Variants in SAMD4A observed in about 807,000 individuals in gnomAD.
The protein encoded by SAMD4A is protein Smaug homolog 1.
A neutral mutation model predicts 81.3 loss-of-function variants in SAMD4A; 33 were observed. The ratio of observed to expected loss-of-function variants is 0.41; its 90% CI spans 0.31 to 0.54. The LOEUF (loss-of-function observed/expected upper bound fraction) is 0.54. SAMD4A is among the 20% of genes least tolerant of loss of function. SAMD4A has a pLI of 0.37. For synonymous variants in SAMD4A, 389 were observed against 382.1 expected, an observed-to-expected ratio of 1.02 and a Z score of -0.21; for missense variants, 854 against 951.1, an observed-to-expected ratio of 0.90 and a Z score of 1.34.
At chr14:54,756,906 T>A (rs1223040249) in intron 6 of SAMD4A, among the ~76,000 whole-genome samples, 1 of 152,210 alleles carries the variant, frequency 6.6e-6, no homozygotes, top group Non-Finnish European at 1.5e-5. Flanking sequence ...GGACCAGACT[T>A]CCCACTGTCT....
intron 2 of SAMD4A, among the ~76,000 whole-genome samples, chr14:54,648,412 G>GA (rs1480760272): frequency 6.6e-6 from 1 of 152,228 alleles, no homozygotes; most frequent in African/African-American, 2.4e-5. Flanking sequence ...CCAGCCTAGT[G>GA]ATGGGGGAAC....
chr14:54,716,272 A>G (rs1177236307), intron 3 of SAMD4A, among the ~76,000 whole-genome samples: 1 of 152,206 alleles, frequency 6.6e-6, no homozygotes, highest in African/African-American at 2.4e-5. Context: ...AAAGTCAGAC[A>G]TGTATTCCTC....
At chr14:54,669,467 T>TA (rs1555341433) in intron 2 of SAMD4A, among the ~76,000 whole-genome samples, 1 of 149,112 alleles carries the variant, frequency 6.7e-6, no homozygotes, top group East Asian at 2.0e-4. Flanking sequence ...TTTTTTTTTT[T>TA]AGAGAGAGAC....
intron 2 of SAMD4A, among the ~76,000 whole-genome samples, chr14:54,598,175 T>G (rs1166434509): frequency 6.6e-6 from 1 of 152,180 alleles, no homozygotes; most frequent in East Asian, 1.9e-4. Context: ...GTTAACATGG[T>G]TCTGATTAAA....
At chr14:54,663,266 C>T (rs1269907597) in intron 2 of SAMD4A, among the ~76,000 whole-genome samples, 14 of 152,190 alleles carry the variant, frequency 9.2e-5, no homozygotes, top group Admixed American at 9.2e-4. Flanking sequence ...TTGTGCTTGA[C>T]ATTGAGAGCG....
At chr14:54,585,215 A>G (rs191287240) in intron 2 of SAMD4A, among the ~76,000 whole-genome samples, 1 of 152,332 alleles carries the variant, frequency 6.6e-6, no homozygotes, top group African/African-American at 2.4e-5. Flanking sequence ...ATTTTAAATG[A>G]CCGTGTAGCA....
At chr14:54,565,835 C>G (rs2032912002), upstream of SAMD4A, among the ~76,000 whole-genome samples, 1 of 151,970 alleles carries the variant, frequency 6.6e-6, no homozygotes. This position sits in a 1 kb window ranked among gnomAD's most constrained non-coding sequence, Gnocchi z 5.4. Context: ...TCCTCTTCCC[C>G]GAACTTCTTC....
At chr14:54,616,769 A>T (rs1429972731) in intron 2 of SAMD4A, among the ~76,000 whole-genome samples, 1 of 152,224 alleles carries the variant, frequency 6.6e-6, no homozygotes, top group Non-Finnish European at 1.5e-5. Context: ...TTTAATGCCT[A>T]TCTGGTCACC....
At chr14:54,634,251 A>G (rs1212855248) in intron 2 of SAMD4A, among the ~76,000 whole-genome samples, 2 of 117,324 alleles carry the variant, frequency 1.7e-5, no homozygotes, top group African/African-American at 3.3e-5. Context: ...ATGCCGCTGC[A>G]CTCCAGCCCG....
At chr14:54,685,273 T>TCCC in intron 2 of SAMD4A, among the ~76,000 whole-genome samples, 1 of 25,158 alleles carries the variant, frequency 4.0e-5, no homozygotes, top group Non-Finnish European at 3.7e-4. Flanking sequence ...CCATTCTTCC[T>TCCC]GCCCCCCCCC....
intron 10 of SAMD4A, among the ~76,000 whole-genome samples, chr14:54,775,450 C>G (rs970068650): frequency 3.8e-4 from 58 of 152,192 alleles, no homozygotes; most frequent in African/African-American, 1.4e-3. Flanking sequence ...AATCTGGGTT[C>G]CAGGAGAGCC....
At chr14:54,701,697 T>G (rs1011528855) in intron 2 of SAMD4A, among the ~76,000 whole-genome samples, 2 of 152,382 alleles carry the variant, frequency 1.3e-5, no homozygotes, top group Admixed American at 6.5e-5. Flanking sequence ...TACTCACTTT[T>G]CTATGGAGAG....
intron 2 of SAMD4A, among the ~76,000 whole-genome samples, chr14:54,677,584 T>C (rs1250780987): frequency 6.6e-6 from 1 of 152,212 alleles, no homozygotes; most frequent in East Asian, 1.9e-4. Context: ...GCTACGGTTC[T>C]TACCAAGTGG....
chr14:54,745,799 G>C (rs143123623), intron 4 of SAMD4A, among the ~76,000 whole-genome samples: 127 of 152,276 alleles, frequency 8.3e-4, no homozygotes, highest in Middle Eastern at 3.4e-3. Flanking sequence ...AGCCAAACAG[G>C]TGTGTGCCAA....
intron 2 of SAMD4A, chr14:54,692,881 C>CG (rs1555343998): frequency 1.4e-5 from 2 of 146,208 alleles, no homozygotes; most frequent in Admixed American, 1.4e-4. Flanking sequence ...TTAGTGCCCC[C>CG]CCCCGCAAAA....
intron 2 of SAMD4A, chr14:54,693,682 CA>C (rs892791827): frequency 1.5e-4 from 23 of 150,038 alleles, no homozygotes; most frequent in African/African-American, 4.9e-4. Flanking sequence ...GACCCTGTCT[CA>C]AAAAAAAACT....
rs530361448 is a variant in SAMD4A, at chr14:54,725,724, A to G, written c.716-11300A>G. 2.0e-5 allele frequency among the ~76,000 whole-genome samples: 3 copies of G among 152,380 alleles called. No individual in the cohort carries two copies. The South Asian group carries it at 6.2e-4, about 32-fold the overall frequency. ...CAATATGCAAAACATTTTAATGTGC[A>G]TTAAATGATTAGATTTTTTCCAATA... is the stretch of plus-strand genomic sequence containing the variant. On this transcript the variant is annotated intron_variant, in intron 3 of 12. Coordinates refer to ENST00000554335, the MANE Select transcript of SAMD4A (RefSeq NM_015589.6).
chr14:54,585,752 T>C (rs2033598061), intron 2 of SAMD4A, among the ~76,000 whole-genome samples: 1 of 152,220 alleles, frequency 6.6e-6, no homozygotes, highest in Admixed American at 6.5e-5. Flanking sequence ...CCATCCAGGT[T>C]GCTACAAATG....
intron 2 of SAMD4A, among the ~76,000 whole-genome samples, chr14:54,589,542 C>T (rs911940996): frequency 2.0e-5 from 3 of 152,132 alleles, no homozygotes; most frequent in Non-Finnish European, 4.4e-5. Flanking sequence ...CAGTGATTCT[C>T]TGTGTGGGAA....
Sources: allele counts gnomAD v4.1 joint callset (sites outside exome capture counted in the v4.1 genomes callset), GRCh38; gene constraint gnomAD v4.1.1; non-coding constraint Gnocchi (gnomAD v3.1); transcripts MANE v1.5; gene names NCBI Gene and HGNC (gene_info 2026-07-23, HGNC 2026-07-21).